Variants in ATP8A1 observed in about 807,000 individuals in gnomAD.
The protein encoded by ATP8A1 is phospholipid-transporting ATPase IA.
A neutral mutation model predicts 177.7 loss-of-function variants in ATP8A1; 90 were observed. The ratio of observed to expected loss-of-function variants is 0.51; its 90% CI spans 0.43 to 0.60. ATP8A1 has a LOEUF of 0.60. ATP8A1 is among the 20% of genes least tolerant of loss of function. ATP8A1 has a pLI of 0.00. For synonymous variants in ATP8A1, 493 were observed against 485.9 expected (o/e 1.01, Z -0.19); for missense variants, 1,072 against 1,392.8 (o/e 0.77, Z 3.67).
At chr4:42,588,203 C>G in intron 8 of ATP8A1, 57 bp downstream of exon 8, 1 of 1,425,886 alleles carries the variant, frequency 7.0e-7, no homozygotes, top group South Asian at 1.2e-5. Flanking sequence ...GAAAGAAGCT[C>G]TTAATTCCAT....
chr4:42,620,448 A>T (rs1446995732), intron 4 of ATP8A1, among the ~76,000 whole-genome samples: 1 of 150,490 alleles, frequency 6.6e-6, no homozygotes, highest in Non-Finnish European at 1.5e-5. Context: ...GAGTTCTGTT[A>T]AAAAAAAACT....
intron 25 of ATP8A1, among the ~76,000 whole-genome samples, chr4:42,482,827 A>C (rs1721831110): frequency 6.6e-6 from 1 of 152,210 alleles, no homozygotes; most frequent in South Asian, 2.1e-4. Flanking sequence ...GGAAGATCAG[A>C]TTCTGAATTA....
intron 1 of ATP8A1, 21 bp downstream of exon 1, chr4:42,656,804 C>G (rs1741682404): frequency 1.3e-6 from 2 of 1,550,314 alleles, no homozygotes; most frequent in Non-Finnish European, 1.7e-6. Context: ...GGGCTAGCCC[C>G]GAGCCTCGGC....
chr4:42,525,839 G>C (rs1297037388), intron 20 of ATP8A1, among the ~76,000 whole-genome samples: 2 of 152,076 alleles, frequency 1.3e-5, no homozygotes, highest in Non-Finnish European at 2.9e-5. Flanking sequence ...TAGAACCCTT[G>C]AGAGAAACAC....
At chr4:42,649,075 A>G (rs942694327) in intron 1 of ATP8A1, among the ~76,000 whole-genome samples, 14 of 152,214 alleles carry the variant, frequency 9.2e-5, no homozygotes, top group Non-Finnish European at 1.9e-4. Flanking sequence ...AAACCATCAG[A>G]AAGGTGTACA....
chr4:42,543,567 T>C (rs1728613331), intron 20 of ATP8A1, among the ~76,000 whole-genome samples: 1 of 152,196 alleles, frequency 6.6e-6, no homozygotes, highest in Admixed American at 6.5e-5. Flanking sequence ...TCTATGCTCT[T>C]AAAAAATTAG....
At chr4:42,452,854 C>G (rs530915605) in intron 29 of ATP8A1, among the ~76,000 whole-genome samples, 1 of 152,180 alleles carries the variant, frequency 6.6e-6, no homozygotes, top group South Asian at 2.1e-4. Flanking sequence ...AAAACTTATG[C>G]TAAATAAAAC....
chr4:42,633,024 C>T (rs867816070), intron 1 of ATP8A1, among the ~76,000 whole-genome samples: 1 of 152,154 alleles, frequency 6.6e-6, no homozygotes, highest in Non-Finnish European at 1.5e-5. Flanking sequence ...AAAAATTTCC[C>T]TTCTTGAGCC....
intron 16 of ATP8A1, among the ~76,000 whole-genome samples, chr4:42,555,154 C>A (rs1398124367): frequency 8.1e-6 from 1 of 123,592 alleles, no homozygotes; most frequent in Non-Finnish European, 1.7e-5. Flanking sequence ...ATCTATCTAT[C>A]TATCTATCTA....
At chr4:42,448,828 G>GTTTTTTTTTTT (rs55946444) in intron 30 of ATP8A1, among the ~76,000 whole-genome samples, 3 of 84,206 alleles carry the variant, frequency 3.6e-5, no homozygotes, top group African/African-American at 1.4e-4. Context: ...TGTACTTTGC[G>GTTTTTTTTTTT]TTTTTTTTTT....
chr4:42,458,570 A>G (rs1718736006), intron 27 of ATP8A1, among the ~76,000 whole-genome samples: 2 of 152,340 alleles, frequency 1.3e-5, no homozygotes, highest in African/African-American at 4.8e-5. Flanking sequence ...AGCTCCTGTA[A>G]GAAAGAGCTT....
intron 5 of ATP8A1, among the ~76,000 whole-genome samples, chr4:42,614,680 C>G (rs1301150117): frequency 6.6e-6 from 1 of 152,200 alleles, no homozygotes; most frequent in East Asian, 1.9e-4. Context: ...GCCTTCAAGA[C>G]CCTATACAAT....
chr4:42,528,211 T>C (rs1328128449), intron 20 of ATP8A1, among the ~76,000 whole-genome samples: 1 of 152,148 alleles, frequency 6.6e-6, no homozygotes, highest in Non-Finnish European at 1.5e-5. Flanking sequence ...GGCATAGACA[T>C]ACTTAGCAAC....
chr4:42,455,724 G>T, intron 27 of ATP8A1, 125 bp from the exon 28 acceptor site: 1 of 810,146 alleles, frequency 1.2e-6, no homozygotes, highest in Non-Finnish European at 1.9e-6. Flanking sequence ...TGACTCTTTT[G>T]AAAATGACAT....
At chr4:42,522,635 C>T (rs1726256912) in intron 21 of ATP8A1, among the ~76,000 whole-genome samples, 1 of 152,158 alleles carries the variant, frequency 6.6e-6, no homozygotes, top group South Asian at 2.1e-4. Context: ...CAAAGCACGG[C>T]TTATACATGT....
Position 42,452,032 on chromosome 4 carries a change from G to A in ATP8A1, c.2845C>T (p.Leu949Phe). The A allele has an allele frequency of 6.2e-7, 1 of 1,613,072 alleles. No homozygotes were observed. Among genetic ancestry groups the A allele is most frequent in the Non-Finnish European group, 8.5e-7 (1 of 1,179,448 alleles). ...CAAAACAGAATAACTGAGTGGAAGA[G>A]GCCATTTAAACAATGAACCCAGAAA... is the stretch of plus-strand genomic sequence containing the variant. ...KVFWVHCLNG[L>F]FHSVILFWFP... The change falls in exon 30 of 37, where the codon CTC (leucine) becomes TTC (phenylalanine). Residue 949 changes from leucine to phenylalanine, a missense_variant. This residue lies in a region of ATP8A1 where 316 missense variants were observed against 459.1 expected (regional missense o/e 0.69). Coordinates refer to ENST00000381668, the MANE Select transcript of ATP8A1 (RefSeq NM_006095.2).
At chr4:42,426,119 A>G (rs1380571003) in intron 33 of ATP8A1, among the ~76,000 whole-genome samples, 1 of 152,210 alleles carries the variant, frequency 6.6e-6, no homozygotes, top group Non-Finnish European at 1.5e-5. Flanking sequence ...ACCTTTGAGA[A>G]AATACGAGTT....
At chr4:42,448,727 A>G (rs932644286) in intron 30 of ATP8A1, among the ~76,000 whole-genome samples, 20 of 149,540 alleles carry the variant, frequency 1.3e-4, no homozygotes, top group African/African-American at 4.2e-4. Flanking sequence ...TGGTAGAGGT[A>G]GTTTCTTAAA....
At chr4:42,472,701 G>T (rs1013664061) in intron 25 of ATP8A1, among the ~76,000 whole-genome samples, 3 of 144,714 alleles carry the variant, frequency 2.1e-5, no homozygotes, top group Non-Finnish European at 4.5e-5. Context: ...AGTGAGCTGA[G>T]ATCGCGCCAT....
Sources: gnomAD v4.1 joint callset for allele counts (sites outside exome capture counted in the v4.1 genomes callset) on GRCh38, gnomAD v4.1.1 for gene constraint, gnomAD v4.1.1 regional missense constraint, MANE v1.5 for transcripts, NCBI Gene and HGNC (gene_info 2026-07-23, HGNC 2026-07-21) for gene names.